RALGAPA1: variants seen among roughly 807,000 people sequenced by gnomAD.
The protein encoded by RALGAPA1 is ral GTPase-activating protein subunit alpha-1.
RALGAPA1 carries 52 observed loss-of-function variants against 269.6 expected under a neutral mutation model. That is an observed-to-expected ratio of 0.19 (90% CI 0.15 to 0.24). RALGAPA1 has a LOEUF of 0.24. Among genes scored for constraint, RALGAPA1 ranks in the 10% least tolerant of loss-of-function variants. The probability of loss-of-function intolerance (pLI) is 1.00; values close to 1 mark genes in which losing one functional copy is unlikely to be tolerated. For synonymous variants in RALGAPA1, 817 were observed against 1,008.3 expected (o/e 0.81, Z 3.60); for missense variants, 1,917 against 3,013.9 (o/e 0.64, Z 8.52).
chr14:35,560,733 T>C (rs150796289), intron 39 of RALGAPA1, among the ~76,000 whole-genome samples: 434 of 152,342 alleles, frequency 2.8e-3, no homozygotes, highest in Admixed American at 4.3e-3. Context: ...TAACTGTAAG[T>C]AATTATTGGT....
intron 37 of RALGAPA1, among the ~76,000 whole-genome samples, chr14:35,594,200 T>A (rs1258425120): frequency 6.6e-6 from 1 of 152,110 alleles, no homozygotes; most frequent in East Asian, 1.9e-4. Flanking sequence ...AGCTCCTTGA[T>A]ACTGGCCTTG....
At chr14:35,605,794 T>C (rs1404468624) in intron 35 of RALGAPA1, 85 bp from the exon 36 acceptor site, 15 of 1,444,706 alleles carry the variant, frequency 1.0e-5, no homozygotes, top group Middle Eastern at 1.8e-4. Context: ...GTACAAAGTA[T>C]GTAGCAATAA....
intron 37 of RALGAPA1, among the ~76,000 whole-genome samples, chr14:35,584,329 T>C (rs886948434): frequency 1.3e-5 from 2 of 152,058 alleles, no homozygotes; most frequent in Admixed American, 6.6e-5. Context: ...AGTGGTGCAA[T>C]CATGGCCCAC....
At chr14:35,786,136 G>T (rs1248249466) in intron 1 of RALGAPA1, among the ~76,000 whole-genome samples, 1 of 151,688 alleles carries the variant, frequency 6.6e-6, no homozygotes, top group Non-Finnish European at 1.5e-5. Context: ...CAACCTGGGT[G>T]ACAGAGTGAG....
rs187422080 is a variant in RALGAPA1 at position 35,671,158 on chromosome 14, G to A, written c.5202+231C>T. ...GCTCTTTCTTTGCTTTCTTCCCTCC[G>A]TTTCTTTAGATTTCCTCAACTTTAA... On this transcript the variant is annotated intron_variant, in intron 26 of 41. Transcript: ENST00000680220. Among the ~76,000 whole-genome samples the A allele has an allele frequency of 3.0e-4, 45 of 151,554 alleles. No homozygotes were observed. The East Asian group carries it at 6.6e-3, about 22-fold the overall frequency.
At chr14:35,747,899 T>C (rs1208062722) in intron 10 of RALGAPA1, among the ~76,000 whole-genome samples, 2 of 151,238 alleles carry the variant, frequency 1.3e-5, no homozygotes, top group African/African-American at 4.9e-5. Flanking sequence ...TATTTTCCCT[T>C]TTTTTTTTCT....
chr14:35,680,455 C>G (rs1272379500), intron 21 of RALGAPA1, among the ~76,000 whole-genome samples: 1 of 152,122 alleles, frequency 6.6e-6, no homozygotes, highest in Admixed American at 6.5e-5. Context: ...GGTGATTCAA[C>G]TGCCTCAGCC....
intron 1 of RALGAPA1, among the ~76,000 whole-genome samples, chr14:35,780,104 CAA>C (rs34840514): frequency 1.4e-5 from 2 of 138,478 alleles, no homozygotes; most frequent in African/African-American, 5.1e-5. Flanking sequence ...TAGACTGTCT[CAA>C]AAAAAAAAAA....
chr14:35,697,330 GTTTT>G lies in RALGAPA1; in HGVS notation c.2407+2828_2407+2831del, dbSNP rs530092895. Among the ~76,000 whole-genome samples the G allele has an allele frequency of 5.4e-5, 8 of 148,838 alleles. No homozygotes were observed. In the South Asian group the frequency reaches 1.3e-3, roughly 24 times the overall value. On this transcript the variant is annotated intron_variant, in intron 17 of 41. Transcript: ENST00000680220. Reference sequence around the variant, plus strand: ...TGAGACATATTCAATTATAAACAGTGTTTTTTTTTGTTTTGTTTTGTTTTGTTTT... The same window carrying G: ...TGAGACATATTCAATTATAAACAGTGTTTTTGTTTTGTTTTGTTTTGTTTT...
intron 31 of RALGAPA1, among the ~76,000 whole-genome samples, chr14:35,645,023 G>C (rs1362324910): frequency 6.6e-6 from 1 of 152,062 alleles, no homozygotes; most frequent in Non-Finnish European, 1.5e-5. Flanking sequence ...CTTTACACTG[G>C]GTGGCTTAAA....
intron 26 of RALGAPA1, among the ~76,000 whole-genome samples, chr14:35,666,168 G>A (rs2063915964): frequency 6.6e-6 from 1 of 151,888 alleles, no homozygotes; most frequent in South Asian, 2.1e-4. Context: ...GGGATTACAG[G>A]TGCGTGCCAC....
intron 1 of RALGAPA1, among the ~76,000 whole-genome samples, chr14:35,802,663 GTTTT>G (rs200361815): frequency 1.5e-5 from 2 of 134,536 alleles, no homozygotes; most frequent in East Asian, 2.1e-4. Flanking sequence ...GTGGTGGTGG[GTTTT>G]TTTTTTTTTT....
chr14:35,687,743 T>G (rs1472537754), intron 18 of RALGAPA1, among the ~76,000 whole-genome samples: 1 of 152,228 alleles, frequency 6.6e-6, no homozygotes, highest in Non-Finnish European at 1.5e-5. Flanking sequence ...CATGAGTGGC[T>G]ACTGTGAAAC....
rs1299309801 is a variant in RALGAPA1, at chr14:35,634,775, A to T, written c.5812-18T>A. The T allele has an allele frequency of 1.3e-6, 2 of 1,561,852 alleles. No homozygotes were observed. Among genetic ancestry groups the T allele is most frequent in the African/African-American group, 2.8e-5 (2 of 72,222 alleles). The stretch of plus-strand genomic sequence containing the variant: ...TGTAAAACCTGAAAATACAGGGGGA[A>T]ACACCCAGTTTTACTTAAAAAATAA... On this transcript the variant is annotated intron_variant, in intron 32 of 41. Transcript: ENST00000680220.
At chr14:35,649,488 G>C (rs1254462778) in intron 31 of RALGAPA1, among the ~76,000 whole-genome samples, 2 of 152,032 alleles carry the variant, frequency 1.3e-5, no homozygotes, top group African/African-American at 2.4e-5. Context: ...TCCTATCTTA[G>C]AAACTTTATT....
intron 7 of RALGAPA1, among the ~76,000 whole-genome samples, chr14:35,754,797 C>A (rs1482720136): frequency 6.6e-6 from 1 of 152,110 alleles, no homozygotes; most frequent in African/African-American, 2.4e-5. Flanking sequence ...ATTCAAATAA[C>A]CATAAACAAA....
intron 35 of RALGAPA1, among the ~76,000 whole-genome samples, chr14:35,606,430 G>T (rs1025236188): frequency 6.6e-6 from 1 of 152,050 alleles, no homozygotes; most frequent in African/African-American, 2.4e-5. Flanking sequence ...AACAGAAAGG[G>T]TGCAGCAAAA....
chr14:35,662,373 G>A (rs1363276294), intron 27 of RALGAPA1, among the ~76,000 whole-genome samples: 1 of 152,158 alleles, frequency 6.6e-6, no homozygotes, highest in Non-Finnish European at 1.5e-5. Flanking sequence ...AGTTTATAGA[G>A]TATATGGAAT....
chr14:35,653,710 A>G (rs1200271236), intron 30 of RALGAPA1, among the ~76,000 whole-genome samples: 1 of 152,144 alleles, frequency 6.6e-6, no homozygotes, highest in East Asian at 1.9e-4. Flanking sequence ...GATGACTTTA[A>G]GAGCAAGACC....
Sources: gnomAD v4.1 joint callset for allele counts (sites outside exome capture counted in the v4.1 genomes callset) on GRCh38, gnomAD v4.1.1 for gene constraint, MANE v1.5 for transcripts, NCBI Gene and HGNC (gene_info 2026-07-23, HGNC 2026-07-21) for gene names.